Variants in CCSAP observed in about 807,000 individuals in gnomAD.
CCSAP encodes centriole, cilia and spindle-associated protein.
Under a neutral mutation model 25.9 loss-of-function variants are expected in CCSAP, and 17 were observed. That is an observed-to-expected ratio of 0.66 (90% confidence interval 0.45 to 0.99). The LOEUF (loss-of-function observed/expected upper bound fraction) is 0.99, where lower values mean the gene tolerates loss of function less well. Among genes scored for constraint, CCSAP ranks in the 50% least tolerant of loss-of-function variants. CCSAP has a pLI of 0.00. For synonymous variants in CCSAP, 169 were observed against 157.1 expected, an observed-to-expected ratio of 1.08 and a Z score of -0.57; for missense variants, 339 against 367.8, an observed-to-expected ratio of 0.92 and a Z score of 0.64.
intron 2 of CCSAP, among the ~76,000 whole-genome samples, chr1:229,340,028 G>A (rs1456514902): frequency 6.6e-6 from 1 of 152,208 alleles, no homozygotes; most frequent in African/African-American, 2.4e-5. Context: ...GGAAAAACCA[G>A]GGTGTTATGT....
intron 2 of CCSAP, among the ~76,000 whole-genome samples, chr1:229,338,499 G>A (rs1170273356): frequency 1.3e-5 from 2 of 150,416 alleles, no homozygotes; most frequent in Admixed American, 6.7e-5. Flanking sequence ...GGGAGGAAAA[G>A]AATCTCACGG....
intron 3 of CCSAP, among the ~76,000 whole-genome samples, chr1:229,325,804 A>G (rs1253453473): frequency 6.6e-6 from 1 of 152,268 alleles, no homozygotes; most frequent in Non-Finnish European, 1.5e-5. Context: ...TAAATGTTTA[A>G]CATCAGTATA....
intron 2 of CCSAP, among the ~76,000 whole-genome samples, chr1:229,340,971 G>A (rs748564821): frequency 5.6e-4 from 85 of 152,230 alleles, no homozygotes; most frequent in Admixed American, 9.8e-4. Context: ...CGAGGCGGGC[G>A]GATCACGAGG....
Position 229,326,830 on chromosome 1 carries a change from G to A in CCSAP, c.544C>T (p.His182Tyr). ...RSSSKIKENK[H>Y]PFALYGWGEK... ...CCCCAGCCATAAAGAGCAAATGGATGCTTGTTTTCTTTTATTTTACTCGAT... is the reference window on the plus strand; with the variant it reads ...CCCCAGCCATAAAGAGCAAATGGATACTTGTTTTCTTTTATTTTACTCGAT... Residue 182 changes from histidine (H) to tyrosine (Y), a missense_variant, in exon 3 of 4, where the codon CAT (histidine) becomes TAT (tyrosine). By Grantham distance (83) the His-to-Tyr change is moderately conservative (BLOSUM62 2). Coordinates refer to ENST00000284617, the MANE Select transcript of CCSAP (RefSeq NM_145257.5). The A allele has an allele frequency of 9.9e-6, 16 of 1,614,198 alleles. No individual in the cohort carries two copies. Among genetic ancestry groups the A allele is most frequent in the Non-Finnish European group, 1.3e-5 (15 of 1,180,034 alleles).
intron 2 of CCSAP, among the ~76,000 whole-genome samples, chr1:229,335,610 AAG>A (rs1423980923): frequency 6.6e-6 from 1 of 152,232 alleles, no homozygotes; most frequent in Non-Finnish European, 1.5e-5. Flanking sequence ...CTGAGGATAA[AAG>A]AGAAAAAGCA....
chr1:229,339,688 G>C (rs1158409199), intron 2 of CCSAP, among the ~76,000 whole-genome samples: 1 of 152,232 alleles, frequency 6.6e-6, no homozygotes, highest in Non-Finnish European at 1.5e-5. Flanking sequence ...AGTAGGTCAG[G>C]GGCCCTGGGA....
chr1:229,327,535 C>T (rs1433794939), intron 2 of CCSAP: 1 of 456,256 alleles, frequency 2.2e-6, no homozygotes, highest in Non-Finnish European at 4.4e-6. Context: ...ATCGTTACCG[C>T]CTAGGTGCGC....
At chr1:229,336,494 G>A (rs1270338017) in intron 2 of CCSAP, among the ~76,000 whole-genome samples, 1 of 152,144 alleles carries the variant, frequency 6.6e-6, no homozygotes, top group African/African-American at 2.4e-5. Context: ...CATGAGACAG[G>A]AGACTGCAGA....
chr1:229,342,055 G>T lies in CCSAP; in HGVS notation c.367+44C>A, dbSNP rs551475820. 2 of 1,300,628 alleles carry T rather than the reference G, an allele frequency of 1.5e-6. No individual in the cohort carries two copies. Among genetic ancestry groups the T allele is most frequent in the East Asian group, 2.9e-5 (1 of 34,748 alleles). 80.6% of individuals were successfully genotyped at this position (1,300,628 alleles called of 1,614,324 possible). A position where few individuals can be genotyped will look rare whatever the true frequency, so the allele number is the denominator to read the frequency against. On this transcript the variant is annotated intron_variant, in intron 2 of 3. Transcript: ENST00000284617. This position sits in a 1 kb window ranked among gnomAD's most constrained non-coding sequence, Gnocchi z 7.5. ...AGCTGCTCAGAGCTTAGAGCAAACC[G>T]TCCCTGCGTGCAGGCCCCTCGCGCT...
chr1:229,341,193 C>CAAAAAAAAAA (rs71561730), intron 2 of CCSAP, among the ~76,000 whole-genome samples: 27 of 91,058 alleles, frequency 3.0e-4, no homozygotes, highest in African/African-American at 4.3e-4. Context: ...GACTCCGTCT[C>CAAAAAAAAAA]AAAAAAAAAA....
rs1215302685 is a variant in CCSAP, at chr1:229,327,387, T to G, written c.368-381A>C. The G allele has an allele frequency of 7.9e-6, 3 of 378,062 alleles. No homozygotes were observed. The Admixed American group carries it at 1.0e-4, about 13-fold the overall frequency. The allele number at this position is 378,062 out of a possible 1,614,324, so 23.4% of individuals were successfully genotyped here. On this transcript the variant is annotated intron_variant, in intron 2 of 3. Transcript: ENST00000284617. ...TTTCCTTCACGGAAAGATCTGGATT[T>G]GTGGTCATCCTCCAGCAGCTGCAGG...
At chr1:229,340,773 T>TGG in intron 2 of CCSAP, 1 of 251,496 alleles carries the variant, frequency 4.0e-6, no homozygotes, top group Admixed American at 5.5e-5. Context: ...ATAGCCGAAA[T>TGG]TTCATCTCCT....
rs893626349 is a variant in CCSAP at position 229,322,617 on chromosome 1, A to G, written c.*2618T>C. 6.6e-6 allele frequency: 1 copy of G among 152,218 alleles called. No homozygotes were observed. The highest frequency in any genetic ancestry group is 2.4e-5 in the African/African-American group (1 of 41,456). 9.4% of individuals were successfully genotyped at this position (152,218 alleles called of 1,614,324 possible). A position where few individuals can be genotyped will look rare whatever the true frequency, so the allele number is the denominator to read the frequency against. On this transcript the variant is annotated 3_prime_UTR_variant, in exon 4 of 4. Coordinates refer to ENST00000284617, the MANE Select transcript of CCSAP (RefSeq NM_145257.5). Reference sequence around the variant, plus strand: ...TTTTAGGGGGGAGAACACACATAACATACATATAACCAGAGGTGCCAAGTA... The same window carrying G: ...TTTTAGGGGGGAGAACACACATAACGTACATATAACCAGAGGTGCCAAGTA...
intron 2 of CCSAP, among the ~76,000 whole-genome samples, chr1:229,329,364 A>G (rs1189857921): frequency 2.0e-5 from 3 of 152,240 alleles, no homozygotes; most frequent in African/African-American, 7.2e-5. Flanking sequence ...CTTCAATGGC[A>G]TGGAGAGAAG....
In CCSAP at chr1:229,322,801, TTA is replaced by T. The variant is rs1367502717; in HGVS notation, c.*2432_*2433del. On this transcript the variant is annotated 3_prime_UTR_variant, in exon 4 of 4. Transcript: ENST00000284617. The stretch of plus-strand genomic sequence containing the variant: ...GCAGTAACAAAATCAAAAAGCATAT[TTA>T]TGACATTGTTTTAATTAAGTTAAAA... 6.6e-6 allele frequency: 1 copy of T among 152,232 alleles called. No homozygotes were observed. The highest frequency in any genetic ancestry group is 1.5e-5 in the Non-Finnish European group (1 of 68,042). 9.4% of individuals were successfully genotyped at this position (152,232 alleles called of 1,614,324 possible).
At chr1:229,334,864 G>A (rs567558453) in intron 2 of CCSAP, among the ~76,000 whole-genome samples, 1 of 152,196 alleles carries the variant, frequency 6.6e-6, no homozygotes, top group African/African-American at 2.4e-5. Context: ...CAAGGACAGA[G>A]AGCAAGGGAG....
chr1:229,324,466 TTGAC>T lies in CCSAP; in HGVS notation c.*765_*768del, dbSNP rs963133649. ...AAAAGGCAATAAAAAAAGTGAGTCTTTGACTACTCAAAAGAAACTTTACTACTAC... is the reference window on the plus strand; with the variant it reads ...AAAAGGCAATAAAAAAAGTGAGTCTTTACTCAAAAGAAACTTTACTACTAC... On this transcript the variant is annotated 3_prime_UTR_variant, in exon 4 of 4. Coordinates refer to ENST00000284617, the MANE Select transcript of CCSAP (RefSeq NM_145257.5). 2 of 152,252 alleles carry T rather than the reference TTGAC, an allele frequency of 1.3e-5. No homozygotes were observed. The highest frequency in any genetic ancestry group is 6.6e-5 in the Admixed American group (1 of 15,240). The allele number at this position is 152,252 out of a possible 1,614,324, so 9.4% of individuals were successfully genotyped here.
In CCSAP at chr1:229,342,171, C is replaced by A. The variant is rs1658350689; in HGVS notation, c.295G>T (p.Gly99Trp). ...TQEEAERRAR[G>W]APEEQDAEAG... is the part of the protein sequence containing the mutation. ...TCCGCGTCCTGCTCCTCCGGGGCCC[C>A]GCGCGCCCGCCGTTCCGCCTCCTCC... Residue 99 changes from glycine (G) to tryptophan (W), a missense_variant, in exon 2 of 4, where the codon GGG becomes TGG. Gly to Trp is a radical substitution (Grantham distance 184, BLOSUM62 -2). Transcript: ENST00000284617. The surrounding 1 kb of genome is among the most constrained non-coding windows in gnomAD (Gnocchi z 7.5). 3 of 1,292,732 alleles carry A rather than the reference C, an allele frequency of 2.3e-6. No individual in the cohort carries two copies. The highest frequency in any genetic ancestry group is 2.9e-6 in the Non-Finnish European group (3 of 1,021,996). 80.1% of individuals were successfully genotyped at this position (1,292,732 alleles called of 1,614,324 possible). A position where few individuals can be genotyped will look rare whatever the true frequency, so the allele number is the denominator to read the frequency against.
In CCSAP at chr1:229,340,791, C is replaced by A. The variant is rs111755601; in HGVS notation, c.367+1308G>T. ...GCCGAAATTTCATCTCCTCCTCAGC[C>A]TCTCACAGAGAAGCCAGGAAGAGTC... On this transcript the variant is annotated intron_variant, in intron 2 of 3. Transcript: ENST00000284617. 2.3e-3 allele frequency among the ~76,000 whole-genome samples: 348 copies of A among 152,314 alleles called. 2 individuals carry two copies. Among genetic ancestry groups the A allele is most frequent in the African/African-American group, 7.9e-3 (327 of 41,572 alleles).
Sources: gnomAD v4.1 joint callset for allele counts (sites outside exome capture counted in the v4.1 genomes callset) on GRCh38, gnomAD v4.1.1 for gene constraint, Gnocchi (gnomAD v3.1) non-coding constraint, MANE v1.5 for transcripts, NCBI Gene and HGNC (gene_info 2026-07-23, HGNC 2026-07-21) for gene names.